The following ARPP21 variants were observed in gnomAD, a reference collection of about 807,000 sequenced individuals.
ARPP21 encodes the protein cAMP regulated phosphoprotein 21.
Under a neutral mutation model 113.2 loss-of-function variants are expected in ARPP21, and 69 were observed. The ratio of observed to expected loss-of-function variants is 0.61; its 90% confidence interval spans 0.50 to 0.74. The LOEUF is 0.74. Ranked by LOEUF, ARPP21 falls within the 30% of genes least tolerant of loss-of-function variation. The pLI, the probability that ARPP21 is intolerant of heterozygous loss-of-function variation, is 0.00. For synonymous variants in ARPP21, 368 were observed against 375.5 expected, an observed-to-expected ratio of 0.98 and a Z score of 0.23; for missense variants, 1,070 against 1,037.4, an observed-to-expected ratio of 1.03 and a Z score of -0.43.
intron 1 of ARPP21, among the ~76,000 whole-genome samples, chr3:35,679,035 G>A (rs1451311277): frequency 5.9e-5 from 9 of 151,920 alleles, no homozygotes; most frequent in Admixed American, 3.3e-4. Context: ...GCACATTATA[G>A]CGTGGATTGT....
rs1358889439 is a variant in ARPP21 at position 35,709,134 on chromosome 3, T to TC, written c.897+68dup. 70 of 1,114,666 alleles carry TC rather than the reference T, an allele frequency of 6.3e-5. 2 individuals carry two copies. The Middle Eastern group carries it at 1.4e-3, about 22-fold the overall frequency. The allele number at this position is 1,114,666 out of a possible 1,614,324, so 69.0% of individuals were successfully genotyped here. On this transcript the variant is annotated intron_variant, in intron 11 of 20. Transcript: ENST00000684406. ...TCCAACAGCAGTAAGGCTTCCTCAT[T>TC]CCCCAGACAGCGAGGTGGCAGGGAA...
intron 11 of ARPP21, among the ~76,000 whole-genome samples, chr3:35,711,657 C>T (rs1332270083): frequency 1.3e-5 from 2 of 152,146 alleles, no homozygotes; most frequent in Non-Finnish European, 1.5e-5. Context: ...ACTGGGGCTG[C>T]AGTCATCTGA....
intron 19 of ARPP21, among the ~76,000 whole-genome samples, chr3:35,755,073 A>G (rs2095527874): frequency 6.6e-6 from 1 of 152,058 alleles, no homozygotes; most frequent in African/African-American, 2.4e-5. Flanking sequence ...AAAAAACAAA[A>G]TAACCCTAAA....
chr3:35,778,556 C>T (rs2096444668), intron 19 of ARPP21, among the ~76,000 whole-genome samples: 1 of 152,130 alleles, frequency 6.6e-6, no homozygotes, highest in Non-Finnish European at 1.5e-5. Context: ...AAACAGTTCC[C>T]TACTGTTATT....
intron 1 of ARPP21, among the ~76,000 whole-genome samples, chr3:35,652,596 C>T (rs1223030880): frequency 6.6e-6 from 1 of 152,008 alleles, no homozygotes; most frequent in African/African-American, 2.4e-5. Context: ...TTAGCCAAGG[C>T]ATTTACAGCA....
At chr3:35,775,947 A>G (rs564115714) in intron 19 of ARPP21, among the ~76,000 whole-genome samples, 1 of 152,298 alleles carries the variant, frequency 6.6e-6, no homozygotes, top group South Asian at 2.1e-4. Flanking sequence ...CATAAAGTGT[A>G]ATATTTTCAA....
chr3:35,768,079 C>CGTGTGTGT (rs5847897), intron 19 of ARPP21, among the ~76,000 whole-genome samples: 73 of 111,814 alleles, frequency 6.5e-4, no homozygotes, highest in Middle Eastern at 5.2e-3. Flanking sequence ...CATGCTTTTC[C>CGTGTGTGT]GTGTGTGTGT....
In ARPP21 at chr3:35,794,062, T is replaced by C; in HGVS notation, c.*104T>C. ...GAGGACTTAAGTATTCACTCAACAC[T>C]CAAATGATTGCTGCTGGTATTCTGT... On this transcript the variant is annotated 3_prime_UTR_variant, in exon 21 of 21. Transcript: ENST00000684406. 1 of 964,738 alleles carries C rather than the reference T, an allele frequency of 1.0e-6. No individual in the cohort carries two copies. The highest frequency in any genetic ancestry group is 1.6e-6 in the Non-Finnish European group (1 of 640,616). 59.8% of individuals were successfully genotyped at this position (964,738 alleles called of 1,614,324 possible).
intron 19 of ARPP21, among the ~76,000 whole-genome samples, chr3:35,767,597 G>A (rs1407268291): frequency 6.6e-6 from 1 of 152,126 alleles, no homozygotes; most frequent in Non-Finnish European, 1.5e-5. Flanking sequence ...TTGTTTCAAA[G>A]CCAAGTGTTT....
At chr3:35,658,342 G>C (rs1705992805) in intron 1 of ARPP21, among the ~76,000 whole-genome samples, 1 of 151,994 alleles carries the variant, frequency 6.6e-6, no homozygotes, top group Non-Finnish European at 1.5e-5. Context: ...ATGATTCGTT[G>C]TAGTGAGGAT....
chr3:35,790,658 T>G (rs1380673106), intron 19 of ARPP21, among the ~76,000 whole-genome samples: 1 of 152,142 alleles, frequency 6.6e-6, no homozygotes, highest in Non-Finnish European at 1.5e-5. Context: ...TCAAACACTG[T>G]AGGTATGCAG....
intron 19 of ARPP21, among the ~76,000 whole-genome samples, chr3:35,770,122 AC>A (rs1238298844): frequency 6.6e-6 from 1 of 152,194 alleles, no homozygotes. Flanking sequence ...ATTCAAAAAA[AC>A]ATTTTTTATA....
At chr3:35,677,129 G>A (rs1173381860) in intron 1 of ARPP21, among the ~76,000 whole-genome samples, 5 of 151,864 alleles carry the variant, frequency 3.3e-5, no homozygotes, top group Admixed American at 3.3e-4. Context: ...TGTGAAGAAA[G>A]TGACTAATAC....
At chr3:35,662,802 C>A (rs1708420808) in intron 1 of ARPP21, among the ~76,000 whole-genome samples, 2 of 152,020 alleles carry the variant, frequency 1.3e-5, no homozygotes, top group African/African-American at 4.8e-5. Flanking sequence ...GTGAAATCTA[C>A]CAGAAGGGTA....
At chr3:35,662,946 G>T (rs990064849) in intron 1 of ARPP21, among the ~76,000 whole-genome samples, 18 of 152,106 alleles carry the variant, frequency 1.2e-4, no homozygotes, top group Non-Finnish European at 2.2e-4. Context: ...AAAGGATGAA[G>T]AGAAGTTGAT....
chr3:35,649,864 C>T (rs2148961675), intron 1 of ARPP21, among the ~76,000 whole-genome samples: 1 of 152,188 alleles, frequency 6.6e-6, no homozygotes, highest in South Asian at 2.1e-4. Flanking sequence ...CACGTTTTAC[C>T]CGATCTATAA....
chr3:35,728,522 CTT>C (rs35476301), intron 14 of ARPP21, among the ~76,000 whole-genome samples: 42,337 of 143,712 alleles, frequency 0.29, 7,435 homozygotes, highest in East Asian at 0.6. Context: ...CCAGCCCATC[CTT>C]TTTTTTTTTT....
Position 35,687,900 on chromosome 3 carries a change from T to C in ARPP21, c.406+17T>C. On this transcript the variant is annotated intron_variant, in intron 6 of 20. Transcript: ENST00000684406. ...TATCAAAAGGTGAATGTGAAAATAT[T>C]TCCTTAACTTACTCAATTTGGGCAC... 6.4e-7 allele frequency: 1 copy of C among 1,571,512 alleles called. No individual in the cohort carries two copies. Among genetic ancestry groups the C allele is most frequent in the East Asian group, 2.3e-5 (1 of 44,260 alleles).
chr3:35,704,344 T>A (rs555451853), intron 9 of ARPP21, among the ~76,000 whole-genome samples: 1 of 151,772 alleles, frequency 6.6e-6, no homozygotes, highest in Non-Finnish European at 1.5e-5. Flanking sequence ...TTTTTCCAAA[T>A]ATATGAAAAA....
Sources: gnomAD v4.1 joint callset for allele counts (sites outside exome capture counted in the v4.1 genomes callset) on GRCh38, gnomAD v4.1.1 for gene constraint, MANE v1.5 for transcripts, NCBI Gene and HGNC (gene_info 2026-07-23, HGNC 2026-07-21) for gene names.